Variants in TBCK observed in about 807,000 individuals in gnomAD.
TBCK encodes TBC domain-containing protein kinase-like protein.
In TBCK, 99 loss-of-function variants were observed where a neutral mutation model predicts 113.4. That is an observed-to-expected ratio of 0.87 (90% CI 0.74 to 1.03). TBCK has a LOEUF of 1.03. Among genes scored for constraint, TBCK ranks in the 50% least tolerant of loss-of-function variants. The pLI is 0.00. For missense variants in TBCK, 1,045 were observed against 1,061.3 expected (o/e 0.98, Z 0.21); for synonymous variants, 369 against 370.8 (o/e 1.00, Z 0.05).
chr4:106,309,919 G>A (rs1191247032), intron 1 of TBCK: 1 of 152,110 alleles, frequency 6.6e-6, no homozygotes, highest in Admixed American at 6.5e-5. Context: ...CGTCCTATTT[G>A]CACTTACTCC....
intron 25 of TBCK, among the ~76,000 whole-genome samples, chr4:106,053,857 GAT>G (rs573504262): frequency 6.6e-6 from 1 of 151,544 alleles, no homozygotes; most frequent in Non-Finnish European, 1.5e-5. Context: ...AATAAACCTG[GAT>G]ATGTTTCTTT....
At chr4:106,178,213 T>C (rs965627945) in intron 22 of TBCK, among the ~76,000 whole-genome samples, 2 of 151,984 alleles carry the variant, frequency 1.3e-5, no homozygotes, top group African/African-American at 2.4e-5. Context: ...GTTCTAACAG[T>C]TTTTTGGTGA....
chr4:106,228,247 ATACT>A (rs1265424307), intron 19 of TBCK, among the ~76,000 whole-genome samples: 1 of 151,810 alleles, frequency 6.6e-6, no homozygotes, highest in Non-Finnish European at 1.5e-5. Flanking sequence ...ATCCAATTAT[ATACT>A]TACTTATTTT....
rs148141540 is a variant in TBCK, at chr4:106,302,128, A to G, written c.193+6640T>C. Reference sequence around the variant, plus strand: ...AAATTCCCTAGCCTAATGACAATCCATATTTTCATTTCAGACAACTAGACT... The same window carrying G: ...AAATTCCCTAGCCTAATGACAATCCGTATTTTCATTTCAGACAACTAGACT... On this transcript the variant is annotated intron_variant, in intron 2 of 25. Coordinates refer to ENST00000394708, the MANE Select transcript of TBCK (RefSeq NM_001163435.3). 6.5e-3 allele frequency among the ~76,000 whole-genome samples: 984 copies of G among 152,310 alleles called. 9 individuals carry two copies. The highest frequency in any genetic ancestry group is 0.02 in the African/African-American group (833 of 41,556).
chr4:106,281,807 A>G (rs1262403633), intron 3 of TBCK, among the ~76,000 whole-genome samples: 1 of 151,964 alleles, frequency 6.6e-6, no homozygotes, highest in Non-Finnish European at 1.5e-5. Flanking sequence ...ATTGTTTGCT[A>G]GTATTCTGTG....
At chr4:106,197,041 C>T (rs2149825467) in intron 20 of TBCK, among the ~76,000 whole-genome samples, 1 of 152,180 alleles carries the variant, frequency 6.6e-6, no homozygotes, top group East Asian at 1.9e-4. Context: ...ATATATAAAA[C>T]AACAATTTGT....
Position 106,046,586 on chromosome 4 carries a change from G to C in TBCK, c.2666C>G (p.Pro889Arg). 6.3e-7 allele frequency: 1 copy of C among 1,599,586 alleles called. No individual in the cohort carries two copies. The highest frequency in any genetic ancestry group is 8.6e-7 in the Non-Finnish European group (1 of 1,166,982). ...CTTGGTTCTTCATATTTGAGGAGAT[G>C]GGATGGTGAGGAGGCCTGTTGGCTT... The part of the protein sequence containing the change: ...KIKPTGLLTI[P>R]SPQI The change falls in exon 26 of 26, where the codon CCA becomes CGA. Residue 889 changes from proline to arginine, a missense_variant. Coordinates refer to ENST00000394708, the MANE Select transcript of TBCK (RefSeq NM_001163435.3).
At chr4:106,264,983 G>T (rs1229612381) in intron 3 of TBCK, among the ~76,000 whole-genome samples, 1 of 151,824 alleles carries the variant, frequency 6.6e-6, no homozygotes, top group Non-Finnish European at 1.5e-5. Flanking sequence ...CAGACATCCT[G>T]TCACTCTTCC....
intron 25 of TBCK, among the ~76,000 whole-genome samples, chr4:106,073,079 C>T (rs1008262050): frequency 6.6e-6 from 1 of 152,104 alleles, no homozygotes; most frequent in Admixed American, 6.6e-5. Flanking sequence ...TTATTATTGA[C>T]CTTCTGAAGG....
chr4:106,270,680 A>T (rs1763396198), intron 3 of TBCK, among the ~76,000 whole-genome samples: 4 of 152,220 alleles, frequency 2.6e-5, no homozygotes, highest in Non-Finnish European at 5.9e-5. Context: ...CTAATATTTT[A>T]GATGACTAAT....
At chr4:106,093,133 T>C (rs772541963) in intron 25 of TBCK, among the ~76,000 whole-genome samples, 2 of 152,252 alleles carry the variant, frequency 1.3e-5, no homozygotes, top group Non-Finnish European at 2.9e-5. Context: ...ATTTATAACT[T>C]AGAAGTAATA....
chr4:106,263,999 A>G, intron 3 of TBCK, among the ~76,000 whole-genome samples: 1 of 152,008 alleles, frequency 6.6e-6, no homozygotes, highest in Non-Finnish European at 1.5e-5. Context: ...AATAATCATC[A>G]GCAGGTAGTT....
chr4:106,091,072 T>C (rs1425105071), intron 25 of TBCK, among the ~76,000 whole-genome samples: 1 of 152,152 alleles, frequency 6.6e-6, no homozygotes, highest in East Asian at 1.9e-4. Flanking sequence ...CTTGTGTTGC[T>C]ATAAAGAAGT....
chr4:106,288,187 A>C (rs542648350), intron 3 of TBCK, among the ~76,000 whole-genome samples: 1 of 152,090 alleles, frequency 6.6e-6, no homozygotes, highest in East Asian at 1.9e-4. Context: ...TGAGCTCAGG[A>C]GTTCGCGACC....
chr4:106,112,839 C>A (rs1418438089), intron 24 of TBCK, among the ~76,000 whole-genome samples: 2 of 152,144 alleles, frequency 1.3e-5, no homozygotes, highest in Non-Finnish European at 2.9e-5. Context: ...AATTTTTCCA[C>A]CAAAACTGGA....
chr4:106,122,103 A>T (rs1744473862), intron 23 of TBCK, among the ~76,000 whole-genome samples: 1 of 152,122 alleles, frequency 6.6e-6, no homozygotes, highest in South Asian at 2.1e-4. Flanking sequence ...TTTTGAAAGG[A>T]TCAACAAAAT....
At chr4:106,163,300 A>G (rs1749997322) in intron 23 of TBCK, 1 of 152,334 alleles carries the variant, frequency 6.6e-6, no homozygotes, top group South Asian at 2.1e-4. Flanking sequence ...ATTTTCCCAC[A>G]TCTGCCTGTC....
At chr4:106,093,926 A>G (rs948582008) in intron 25 of TBCK, among the ~76,000 whole-genome samples, 8 of 152,330 alleles carry the variant, frequency 5.3e-5, no homozygotes, top group Non-Finnish European at 1.2e-4. Flanking sequence ...TGATGTGTCA[A>G]TGAAGGTTCA....
At chr4:106,314,138 T>C (rs1352203322) in intron 1 of TBCK, among the ~76,000 whole-genome samples, 1 of 152,144 alleles carries the variant, frequency 6.6e-6, no homozygotes, top group Non-Finnish European at 1.5e-5. Flanking sequence ...AGTTAAGAAA[T>C]ATATTACTAA....
Sources: allele counts gnomAD v4.1 joint callset (sites outside exome capture counted in the v4.1 genomes callset), GRCh38; gene constraint gnomAD v4.1.1; transcripts MANE v1.5; gene names NCBI Gene and HGNC (gene_info 2026-07-23, HGNC 2026-07-21).